DOCK7: variants seen among roughly 807,000 people sequenced by gnomAD.
DOCK7 encodes dedicator of cytokinesis 7.
A neutral mutation model predicts 271.0 loss-of-function variants in DOCK7; 138 were observed. The observed-to-expected ratio is 0.51, with a 90% CI of 0.44 to 0.59. DOCK7 has a LOEUF of 0.59. Ranked by LOEUF, DOCK7 falls within the 20% of genes least tolerant of loss-of-function variation. The probability of loss-of-function intolerance (pLI) is 0.00; values close to 1 mark genes in which losing one functional copy is unlikely to be tolerated. For synonymous variants in DOCK7, 823 were observed against 876.1 expected (o/e 0.94, Z 1.07); for missense variants, 2,066 against 2,592.4 (o/e 0.80, Z 4.41).
intron 25 of DOCK7, among the ~76,000 whole-genome samples, chr1:62,540,146 C>CA (rs994688407): frequency 6.8e-6 from 1 of 147,904 alleles, no homozygotes. Flanking sequence ...TGTATGTCAA[C>CA]AAAAAAAAAT....
chr1:62,504,254 A>AT (rs1646877079), intron 37 of DOCK7, among the ~76,000 whole-genome samples: 1 of 152,176 alleles, frequency 6.6e-6, no homozygotes, highest in Non-Finnish European at 1.5e-5. Flanking sequence ...TGAATATAAC[A>AT]TATAATAAAA....
At chr1:62,602,087 A>G (rs560184338) in intron 14 of DOCK7, among the ~76,000 whole-genome samples, 2 of 151,790 alleles carry the variant, frequency 1.3e-5, no homozygotes, top group Non-Finnish European at 1.5e-5. Context: ...ACTATTATCA[A>G]TAAGTTTACT....
intron 25 of DOCK7, among the ~76,000 whole-genome samples, chr1:62,540,543 C>T (rs1359659956): frequency 6.6e-6 from 1 of 152,102 alleles, no homozygotes; most frequent in African/African-American, 2.4e-5. Context: ...AAATTCTAAG[C>T]TTTGAAAGGT....
At chr1:62,598,214 A>G (rs1649579380) in intron 14 of DOCK7, among the ~76,000 whole-genome samples, 1 of 152,048 alleles carries the variant, frequency 6.6e-6, no homozygotes, top group Admixed American at 6.6e-5. Flanking sequence ...AAAATTTCCT[A>G]TTATAATTTC....
intron 1 of DOCK7, 146 bp downstream of exon 1, chr1:62,688,081 G>A (rs1662042298): frequency 9.5e-7 from 1 of 1,057,596 alleles, no homozygotes; most frequent in Non-Finnish European, 1.2e-6. Context: ...CAGCCACCCC[G>A]AACCCCTTCC....
At chr1:62,622,776 A>C (rs1378711027) in intron 12 of DOCK7, among the ~76,000 whole-genome samples, 3 of 152,014 alleles carry the variant, frequency 2.0e-5, no homozygotes, top group Non-Finnish European at 2.9e-5. Flanking sequence ...TAAAAATACA[A>C]AAAATTAGCC....
At chr1:62,483,946 C>G (rs975795166) in intron 43 of DOCK7, 2 of 152,190 alleles carry the variant, frequency 1.3e-5, no homozygotes, top group African/African-American at 4.8e-5. Context: ...CTTGTTTTCA[C>G]TATGCTCTAT....
At chr1:62,640,186 A>G (rs1571869523) in intron 7 of DOCK7, among the ~76,000 whole-genome samples, 1 of 152,200 alleles carries the variant, frequency 6.6e-6, no homozygotes, top group Non-Finnish European at 1.5e-5. Context: ...GACATTACTA[A>G]TAAGATGTGG....
intron 1 of DOCK7, among the ~76,000 whole-genome samples, chr1:62,674,846 A>T (rs1002982820): frequency 2.0e-5 from 3 of 152,216 alleles, no homozygotes; most frequent in Non-Finnish European, 4.4e-5. Context: ...AAAACTATCA[A>T]ATTTTTAGCA....
chr1:62,663,954 G>A lies in DOCK7; in HGVS notation c.39-824C>T, dbSNP rs1571944237. Among the ~76,000 whole-genome samples, 4 of 152,202 alleles carry A rather than the reference G, an allele frequency of 2.6e-5. 1 individual carries two copies. In the Middle Eastern group the frequency reaches 0.014, roughly 518 times the overall value. ...GAAGCATCAAGCTATCCTTCAATGG[G>A]TAACTGGATAAACAAACTGTGTTAC... On this transcript the variant is annotated intron_variant, in intron 1 of 49. Transcript: ENST00000635253.
intron 48 of DOCK7, among the ~76,000 whole-genome samples, chr1:62,472,824 G>C (rs1645868357): frequency 6.6e-6 from 1 of 152,186 alleles, no homozygotes; most frequent in Non-Finnish European, 1.5e-5. Flanking sequence ...ATCTCAGAGA[G>C]AGAGTGCCTA....
chr1:62,499,281 C>T (rs1209131064), intron 37 of DOCK7, among the ~76,000 whole-genome samples: 6 of 152,076 alleles, frequency 3.9e-5, no homozygotes, highest in Admixed American at 3.9e-4. Context: ...TTCTTCTATT[C>T]TGGGTTAAGA....
intron 44 of DOCK7, among the ~76,000 whole-genome samples, chr1:62,476,655 A>G (rs758002515): frequency 1.4e-4 from 21 of 152,180 alleles, no homozygotes; most frequent in Non-Finnish European, 2.2e-4. Context: ...ATGGGTTTAC[A>G]TTTTGAAAAG....
chr1:62,582,288 C>T (rs1427012785), intron 16 of DOCK7, among the ~76,000 whole-genome samples: 4 of 152,000 alleles, frequency 2.6e-5, no homozygotes, highest in Admixed American at 2.0e-4. Context: ...CGGTGGCTCA[C>T]GCCTGTAATC....
chr1:62,683,113 C>T (rs150810775), intron 1 of DOCK7, among the ~76,000 whole-genome samples: 1 of 152,200 alleles, frequency 6.6e-6, no homozygotes, highest in East Asian at 1.9e-4. Context: ...TAAGGTAAAC[C>T]TCATCTCAAA....
chr1:62,532,637 T>C (rs779812209), intron 29 of DOCK7, among the ~76,000 whole-genome samples: 5 of 152,170 alleles, frequency 3.3e-5, no homozygotes, highest in African/African-American at 4.8e-5. Flanking sequence ...GCCTGGCCAA[T>C]ATGGCTGTAA....
At chr1:62,457,088 C>T (rs1233698570) in intron 49 of DOCK7, among the ~76,000 whole-genome samples, 4 of 152,128 alleles carry the variant, frequency 2.6e-5, no homozygotes, top group African/African-American at 7.2e-5. Context: ...TCTCATTATA[C>T]AGAGGAGAAA....
chr1:62,596,946 T>TA (rs1182726949), intron 14 of DOCK7, among the ~76,000 whole-genome samples: 2 of 152,040 alleles, frequency 1.3e-5, no homozygotes, highest in African/African-American at 4.8e-5. Context: ...TTAAGACATA[T>TA]AAGGTGATGC....
At chr1:62,647,658 T>C (rs1656836066) in intron 7 of DOCK7, 33 bp downstream of exon 7, 2 of 1,469,136 alleles carry the variant, frequency 1.4e-6, no homozygotes, top group East Asian at 4.6e-5. Flanking sequence ...TCCTGGAAAA[T>C]AAAAGTTGTA....
Sources: allele counts gnomAD v4.1 joint callset (sites outside exome capture counted in the v4.1 genomes callset), GRCh38; gene constraint gnomAD v4.1.1; transcripts MANE v1.5; gene names NCBI Gene and HGNC (gene_info 2026-07-23, HGNC 2026-07-21).